Variants in NELL1 observed in about 807,000 individuals in gnomAD.
NELL1 encodes the protein neural EGFL like 1, also known as protein kinase C-binding protein NELL1.
NELL1 carries 76 observed loss-of-function variants against 107.4 expected under a neutral mutation model. That is an observed-to-expected ratio of 0.71 (90% CI 0.59 to 0.86). NELL1 has a LOEUF of 0.86. Ranked by LOEUF, NELL1 falls within the 40% of genes least tolerant of loss-of-function variation. The probability of loss-of-function intolerance (pLI) is 0.00; values close to 1 mark genes in which losing one functional copy is unlikely to be tolerated. For missense variants in NELL1, 1,024 were observed against 1,005.5 expected (o/e 1.02, Z -0.25); for synonymous variants, 353 against 341.2 (o/e 1.03, Z -0.38).
At chr11:21,028,459 T>C (rs1243312879) in intron 12 of NELL1, among the ~76,000 whole-genome samples, 2 of 152,140 alleles carry the variant, frequency 1.3e-5, no homozygotes, top group Non-Finnish European at 2.9e-5. Context: ...AAGACCTAAA[T>C]TGGCATTTCA....
intron 10 of NELL1, among the ~76,000 whole-genome samples, chr11:20,940,431 G>C (rs1196756706): frequency 6.6e-6 from 1 of 152,032 alleles, no homozygotes; most frequent in African/African-American, 2.4e-5. Context: ...GCTAATTTTT[G>C]TATTTTTAGT....
intron 2 of NELL1, among the ~76,000 whole-genome samples, chr11:20,762,015 G>A (rs1411244236): frequency 6.6e-6 from 1 of 152,208 alleles, no homozygotes; most frequent in Non-Finnish European, 1.5e-5. Context: ...TTCCAGGTGG[G>A]CACCATCACA....
rs1054036547 is a variant in NELL1 at position 21,196,201 on chromosome 11, C to T, written c.1427-33131C>T. Among the ~76,000 whole-genome samples, 5 of 152,118 alleles carry T rather than the reference C, an allele frequency of 3.3e-5. No homozygotes were observed. The East Asian group carries it at 9.7e-4, about 29-fold the overall frequency. On this transcript the variant is annotated intron_variant, in intron 13 of 19. Transcript: ENST00000357134. ...TTGGCCCTAGTCCATAATAATGTGA[C>T]AGCCCAGCCACTTGCTGAGCATGTG...
intron 13 of NELL1, among the ~76,000 whole-genome samples, chr11:21,226,112 A>AAAATG (rs111901848): frequency 0.023 from 3,535 of 152,288 alleles, 135 homozygotes; most frequent in African/African-American, 0.082. Flanking sequence ...TTTATAGAAG[A>AAAATG]AAATGGTATT....
At chr11:21,027,141 T>G (rs1027155270) in intron 12 of NELL1, among the ~76,000 whole-genome samples, 4 of 152,092 alleles carry the variant, frequency 2.6e-5, no homozygotes, top group Admixed American at 2.0e-4. Flanking sequence ...TAAATGAAAT[T>G]TATATGAAAA....
At chr11:20,794,673 ATGATGATGC>A (rs1172717757) in intron 3 of NELL1, among the ~76,000 whole-genome samples, 3 of 152,114 alleles carry the variant, frequency 2.0e-5, no homozygotes, top group African/African-American at 4.8e-5. Flanking sequence ...AGCCATAATG[ATGATGATGC>A]TGATGATACT....
chr11:20,889,158 A>G (rs181781210), intron 5 of NELL1, among the ~76,000 whole-genome samples: 2 of 152,338 alleles, frequency 1.3e-5, no homozygotes, highest in Non-Finnish European at 2.9e-5. Flanking sequence ...TATTATACAA[A>G]TCAAGATAAA....
At chr11:21,568,869 CTTT>C (rs60723180) in intron 17 of NELL1, among the ~76,000 whole-genome samples, 3 of 147,810 alleles carry the variant, frequency 2.0e-5, no homozygotes, top group East Asian at 4.0e-4. Context: ...TTAGTTATCT[CTTT>C]TTTTTTTTTA....
At chr11:20,984,041 T>C (rs1050083567) in intron 12 of NELL1, among the ~76,000 whole-genome samples, 1 of 152,172 alleles carries the variant, frequency 6.6e-6, no homozygotes, top group Non-Finnish European at 1.5e-5. Context: ...TCGTCTATCT[T>C]TTTTTTCAGA....
At chr11:21,027,979 A>G (rs1019686706) in intron 12 of NELL1, among the ~76,000 whole-genome samples, 1 of 152,200 alleles carries the variant, frequency 6.6e-6, no homozygotes, top group South Asian at 2.1e-4. Flanking sequence ...ACTCATGCAC[A>G]CATTTTATAA....
In NELL1 at chr11:21,570,698, TTC is replaced by T. The variant is rs374473311; in HGVS notation, c.1981-62_1981-61del. The T allele has an allele frequency of 7.8e-4, 1,178 of 1,501,954 alleles. 8 individuals are homozygous for T. Among genetic ancestry groups the T allele is most frequent in the South Asian group, 5.9e-3 (477 of 80,424 alleles). 93.0% of individuals were successfully genotyped at this position (1,501,954 alleles called of 1,614,324 possible). ...GTGACCAAACATCCAAGAAGTTCAT[TTC>T]TCTTAGTGTAGCTGTCCATCATGTC... is the stretch of plus-strand genomic sequence containing the variant. On this transcript the variant is annotated intron_variant, in intron 17 of 19. Transcript: ENST00000357134.
At chr11:21,314,510 A>C (rs774092169) in intron 14 of NELL1, among the ~76,000 whole-genome samples, 3 of 152,170 alleles carry the variant, frequency 2.0e-5, no homozygotes, top group Non-Finnish European at 4.4e-5. Context: ...GTAAAGGCTT[A>C]ATAAATGTTA....
intron 2 of NELL1, among the ~76,000 whole-genome samples, chr11:20,686,613 T>C (rs1464118908): frequency 6.6e-6 from 1 of 152,178 alleles, no homozygotes; most frequent in Admixed American, 6.6e-5. Flanking sequence ...GAATTTGTTG[T>C]AGCTTGGCAT....
intron 12 of NELL1, among the ~76,000 whole-genome samples, chr11:21,049,911 C>T (rs139062472): frequency 1.3e-4 from 20 of 148,960 alleles, no homozygotes; most frequent in Non-Finnish European, 1.8e-4. Context: ...CTCCTGACTT[C>T]AGGTTAATTA....
At chr11:21,205,686 C>T (rs1043689169) in intron 13 of NELL1, among the ~76,000 whole-genome samples, 1 of 152,166 alleles carries the variant, frequency 6.6e-6, no homozygotes, top group Non-Finnish European at 1.5e-5. Flanking sequence ...CTGCAGCAAG[C>T]TCGCTGTCTG....
intron 13 of NELL1, among the ~76,000 whole-genome samples, chr11:21,191,228 G>A (rs908643374): frequency 6.6e-6 from 1 of 151,686 alleles, no homozygotes; most frequent in African/African-American, 2.4e-5. Context: ...TGGATTTCTG[G>A]GTGGGATCAA....
intron 14 of NELL1, among the ~76,000 whole-genome samples, chr11:21,298,458 A>C (rs578234380): frequency 6.6e-6 from 1 of 152,062 alleles, no homozygotes; most frequent in South Asian, 2.1e-4. Context: ...GAGTGAGCTC[A>C]CCTCTCTGAC....
intron 15 of NELL1, among the ~76,000 whole-genome samples, chr11:21,463,694 G>T (rs150632051): frequency 1.3e-5 from 2 of 152,126 alleles, no homozygotes; most frequent in Non-Finnish European, 2.9e-5. Context: ...TTTATCTATT[G>T]CTGTATAACA....
intron 14 of NELL1, among the ~76,000 whole-genome samples, chr11:21,275,217 T>C (rs1432906595): frequency 6.6e-6 from 1 of 151,916 alleles, no homozygotes; most frequent in Non-Finnish European, 1.5e-5. Flanking sequence ...ATAAAGGGGA[T>C]ATCACCACCG....
Sources: gnomAD v4.1 joint callset for allele counts (sites outside exome capture counted in the v4.1 genomes callset) on GRCh38, gnomAD v4.1.1 for gene constraint, MANE v1.5 for transcripts, NCBI Gene and HGNC (gene_info 2026-07-23, HGNC 2026-07-21) for gene names.